Variants in UNC13B observed in about 807,000 individuals in gnomAD.
UNC13B encodes unc-13 homolog B, also known as protein unc-13 homolog B.
Under a neutral mutation model 211.0 loss-of-function variants are expected in UNC13B, and 144 were observed. The observed-to-expected ratio is 0.68, with a 90% CI of 0.60 to 0.78. UNC13B has a LOEUF of 0.78. UNC13B is among the 30% of genes least tolerant of loss of function. The pLI is 0.00. For synonymous variants in UNC13B, 709 were observed against 725.8 expected (o/e 0.98, Z 0.37); for missense variants, 1,777 against 2,002.0 (o/e 0.89, Z 2.14).
chr9:35,277,522 C>T (rs1305575062), intron 7 of UNC13B, among the ~76,000 whole-genome samples: 1 of 152,064 alleles, frequency 6.6e-6, no homozygotes, highest in East Asian at 1.9e-4. Context: ...GAGACTTCAG[C>T]ATTACAGAAA....
intron 1 of UNC13B, among the ~76,000 whole-genome samples, chr9:35,182,902 C>G (rs1354677992): frequency 6.6e-6 from 1 of 152,162 alleles, no homozygotes; most frequent in Non-Finnish European, 1.5e-5. Context: ...AATCTGATCT[C>G]TCTTTCTTTT....
rs879487554 is a variant in UNC13B at position 35,245,059 on chromosome 9, C to CACAA, written c.468+1696_468+1697insCAAA. 5.3e-3 allele frequency among the ~76,000 whole-genome samples: 805 copies of CACAA among 152,266 alleles called. 7 individuals carry two copies. The highest frequency in any genetic ancestry group is 7.2e-3 in the Non-Finnish European group (493 of 68,016). On this transcript the variant is annotated intron_variant, in intron 6 of 39. Coordinates refer to ENST00000635942, the MANE Select transcript of UNC13B (RefSeq NM_001371189.2). Reference sequence around the variant, plus strand: ...ACTCTGAGCATTTGTGCTATCTTTGCATGTACTTTACTTTGTGTTTTCGTT... The same window carrying CACAA: ...ACTCTGAGCATTTGTGCTATCTTTGCACAAATGTACTTTACTTTGTGTTTTCGTT...
At chr9:35,214,896 C>G (rs1824173062) in intron 1 of UNC13B, among the ~76,000 whole-genome samples, 1 of 152,280 alleles carries the variant, frequency 6.6e-6, no homozygotes, top group Admixed American at 6.5e-5. Context: ...AGAATGTAAG[C>G]TCAGTGATGA....
chr9:35,190,402 T>G (rs1353078370), intron 1 of UNC13B, among the ~76,000 whole-genome samples: 2 of 152,128 alleles, frequency 1.3e-5, no homozygotes, highest in Non-Finnish European at 2.9e-5. Context: ...ACACCAAAGC[T>G]CTCTCATAAT....
intron 1 of UNC13B, among the ~76,000 whole-genome samples, chr9:35,190,829 T>A (rs1380172725): frequency 6.6e-6 from 1 of 152,230 alleles, no homozygotes; most frequent in South Asian, 2.1e-4. Context: ...TTTAAATCCC[T>A]TGTTACTAAA....
At chr9:35,192,840 G>A (rs1330797380) in intron 1 of UNC13B, among the ~76,000 whole-genome samples, 1 of 152,202 alleles carries the variant, frequency 6.6e-6, no homozygotes, top group Non-Finnish European at 1.5e-5. Context: ...AAGATGATCT[G>A]TTACCCATCT....
rs970522875 is a variant in UNC13B, at chr9:35,192,171, A to G, written c.22+29866A>G. ...AAGGTTTGGAAAATTAACTTTTCCC[A>G]GGTTGAAAGAACATTATAAAAGCAT... On this transcript the variant is annotated intron_variant, in intron 1 of 39. Coordinates refer to ENST00000635942, the MANE Select transcript of UNC13B (RefSeq NM_001371189.2). 2.0e-5 allele frequency among the ~76,000 whole-genome samples: 3 copies of G among 152,208 alleles called. No individual in the cohort carries two copies. The South Asian group carries it at 6.2e-4, about 31-fold the overall frequency.
In UNC13B at chr9:35,306,213, G is replaced by A. The variant is rs1829915282; in HGVS notation, c.6809G>A (p.Ser2270Asn). The A allele has an allele frequency of 2.5e-6, 1 of 399,030 alleles. No individual in the cohort carries two copies. The highest frequency in any genetic ancestry group is 6.3e-4 in the Middle Eastern group (1 of 1,590). 24.7% of individuals were successfully genotyped at this position (399,030 alleles called of 1,614,324 possible). ...TRESSSGHRD[S>N]IAQEVVHEQQ... ...GAAAGTTCCAGTGGTCATAGAGATA[G>A]CATAGCCCAAGAAGTAGTTCATGAA... Residue 2270 changes from serine to asparagine, a missense_variant, in exon 9 of 40, where the codon AGC becomes AAC. Transcript: ENST00000635942.
intron 1 of UNC13B, among the ~76,000 whole-genome samples, chr9:35,202,357 C>T (rs1179947330): frequency 1.3e-5 from 2 of 152,164 alleles, no homozygotes; most frequent in Non-Finnish European, 2.9e-5. Context: ...ATTAGGTCCG[C>T]TTGGTGCAGA....
chr9:35,169,985 G>A (rs1490774597), intron 1 of UNC13B, among the ~76,000 whole-genome samples: 3 of 151,960 alleles, frequency 2.0e-5, no homozygotes, highest in East Asian at 1.9e-4. Flanking sequence ...AAGAGGCCAC[G>A]GAATCTAGAT....
chr9:35,198,452 A>G (rs990543970), intron 1 of UNC13B, among the ~76,000 whole-genome samples: 3 of 152,246 alleles, frequency 2.0e-5, no homozygotes, highest in African/African-American at 7.2e-5. Flanking sequence ...ACTGTGGGCT[A>G]ATTAAATATT....
At chr9:35,264,039 A>G (rs892194025) in intron 7 of UNC13B, among the ~76,000 whole-genome samples, 1 of 152,220 alleles carries the variant, frequency 6.6e-6, no homozygotes, top group Non-Finnish European at 1.5e-5. Context: ...ATTGTTGCTG[A>G]AACAAATACC....
intron 11 of UNC13B, among the ~76,000 whole-genome samples, chr9:35,359,455 C>A (rs1587693572): frequency 6.6e-6 from 1 of 152,206 alleles, no homozygotes; most frequent in Non-Finnish European, 1.5e-5. Flanking sequence ...ACCCAAACAT[C>A]TTCCATGAAC....
At chr9:35,217,748 C>G (rs116246693) in intron 1 of UNC13B, among the ~76,000 whole-genome samples, 3,044 of 152,190 alleles carry the variant, frequency 0.02, 100 homozygotes, top group African/African-American at 0.071. Context: ...GCAATAAGAT[C>G]AGAAAATAAT....
intron 5 of UNC13B, among the ~76,000 whole-genome samples, chr9:35,239,058 T>G (rs1825670343): frequency 6.6e-6 from 1 of 152,146 alleles, no homozygotes; most frequent in Non-Finnish European, 1.5e-5. Flanking sequence ...CTAAGTTCCT[T>G]GTCCAAAAGG....
At position 35,303,055 on chromosome 9, in the gene UNC13B, T is replaced by C. The variant is rs187925896; in HGVS notation, c.3651T>C (p.Asp1217=). ...GCAACATGAAGAGTTTGAATGGAGA[T>C]AACCATTTATCCTTGGATGAGGTCC... is the stretch of plus-strand genomic sequence containing the variant. ...SLGNMKSLNG[D]NHLSLDEVPA... is the part of the protein sequence containing the mutation. Residue 1217 remains aspartate, a synonymous_variant, in exon 9 of 40, where the codon GAT becomes GAC. Coordinates refer to ENST00000635942, the MANE Select transcript of UNC13B (RefSeq NM_001371189.2). 4.2e-3 allele frequency: 1,691 copies of C among 398,736 alleles called. 13 individuals carry two copies. Among genetic ancestry groups the C allele is most frequent in the Non-Finnish European group, 3.8e-3 (867 of 225,808 alleles). 24.7% of individuals were successfully genotyped at this position (398,736 alleles called of 1,614,324 possible).
At chr9:35,341,523 T>C (rs909174997) in intron 11 of UNC13B, among the ~76,000 whole-genome samples, 2 of 152,208 alleles carry the variant, frequency 1.3e-5, no homozygotes, top group Non-Finnish European at 2.9e-5. Context: ...GCTGGCATGC[T>C]GTGTTCCGGC....
At chr9:35,282,082 T>A (rs1448945022) in intron 7 of UNC13B, among the ~76,000 whole-genome samples, 1 of 152,198 alleles carries the variant, frequency 6.6e-6, no homozygotes, top group African/African-American at 2.4e-5. Flanking sequence ...AACAATTAGA[T>A]AGCAGTGATT....
chr9:35,384,623 G>A (rs1425975578), intron 22 of UNC13B: 1 of 985,182 alleles, frequency 1.0e-6, no homozygotes, highest in African/African-American at 1.7e-5. Flanking sequence ...TCTTCCAGGA[G>A]TATCCTTTTA....
Sources: gnomAD v4.1 joint callset for allele counts (sites outside exome capture counted in the v4.1 genomes callset) on GRCh38, gnomAD v4.1.1 for gene constraint, MANE v1.5 for transcripts, NCBI Gene and HGNC (gene_info 2026-07-23, HGNC 2026-07-21) for gene names.